DLST: variants seen among roughly 807,000 people sequenced by gnomAD.
DLST encodes dihydrolipoamide S-succinyltransferase, also known as dihydrolipoyllysine-residue succinyltransferase component of 2-oxoglutarate dehydrogenase complex, mitochondrial.
A neutral mutation model predicts 53.1 loss-of-function variants in DLST; 17 were observed. The observed-to-expected ratio is 0.32, with a 90% CI of 0.22 to 0.48. The LOEUF (loss-of-function observed/expected upper bound fraction) is 0.48. Ranked by LOEUF, DLST falls within the 20% of genes least tolerant of loss-of-function variation. DLST has a pLI of 0.99. For missense variants in DLST, 512 were observed against 583.9 expected, an observed-to-expected ratio of 0.88 and a Z score of 1.27; for synonymous variants, 206 against 204.8, an observed-to-expected ratio of 1.01 and a Z score of -0.05.
intron 6 of DLST, among the ~76,000 whole-genome samples, chr14:74,890,722 T>C (rs1240693507): frequency 1.3e-5 from 2 of 152,172 alleles, no homozygotes; most frequent in Admixed American, 6.5e-5. Flanking sequence ...ACGCTGTTGT[T>C]GTTGTTGTTT....
chr14:74,899,299 C>A (rs1884168608), intron 11 of DLST, among the ~76,000 whole-genome samples: 2 of 152,086 alleles, frequency 1.3e-5, no homozygotes, highest in South Asian at 4.1e-4. Context: ...CTCGTGGCCT[C>A]TTTTTCACAT....
At chr14:74,898,535 G>A in intron 11 of DLST, 36 bp downstream of exon 11, 1 of 1,610,012 alleles carries the variant, frequency 6.2e-7, no homozygotes, top group Non-Finnish European at 8.5e-7. Context: ...AGAGGTCCTG[G>A]GAGGTAGGTG....
intron 8 of DLST, 68 bp downstream of exon 8, chr14:74,893,054 A>G: frequency 6.6e-7 from 1 of 1,520,308 alleles, no homozygotes; most frequent in South Asian, 1.3e-5. Flanking sequence ...CAAAGGGTAA[A>G]CTCTAGACTG....
At chr14:74,885,743 T>C (rs938720829) in intron 3 of DLST, 109 bp downstream of exon 3, 2 of 1,034,510 alleles carry the variant, frequency 1.9e-6, no homozygotes, top group Non-Finnish European at 2.9e-6. Flanking sequence ...GACCTAGAAA[T>C]TGAGGTGATT....
chr14:74,887,960 C>T (rs1172119565), intron 3 of DLST, among the ~76,000 whole-genome samples: 8 of 152,146 alleles, frequency 5.3e-5, no homozygotes, highest in Non-Finnish European at 2.9e-5. Flanking sequence ...TCAGACAATC[C>T]TGAAGTGTAA....
intron 10 of DLST, 85 bp downstream of exon 10, chr14:74,894,494 C>A: frequency 7.7e-7 from 1 of 1,300,440 alleles, no homozygotes; most frequent in South Asian, 1.4e-5. Context: ...AGTGCTGATT[C>A]TAAAACTAAC....
At chr14:74,897,462 C>G (rs1255805310) in intron 10 of DLST, among the ~76,000 whole-genome samples, 1 of 152,208 alleles carries the variant, frequency 6.6e-6, no homozygotes, top group Non-Finnish European at 1.5e-5. Context: ...AAAGCCATTT[C>G]TCACTAACTC....
intron 10 of DLST, among the ~76,000 whole-genome samples, chr14:74,897,875 T>TA (rs780284724): frequency 2.5e-4 from 38 of 152,050 alleles, no homozygotes; most frequent in Non-Finnish European, 4.4e-4. Context: ...CTGTTTATTT[T>TA]AGTCTCCACT....
intron 14 of DLST, among the ~76,000 whole-genome samples, chr14:74,901,459 G>A (rs1397820432): frequency 1.3e-5 from 2 of 152,194 alleles, no homozygotes; most frequent in African/African-American, 4.8e-5. Flanking sequence ...AAGAAGAAGT[G>A]CAGATGATCC....
intron 1 of DLST, 66 bp from the exon 2 acceptor site, chr14:74,882,525 T>C: frequency 1.3e-6 from 2 of 1,556,724 alleles, no homozygotes; most frequent in South Asian, 2.2e-5. Context: ...GAGCGTGTAC[T>C]TAAAAGAAAA....
chr14:74,894,477 C>T, intron 10 of DLST, 68 bp downstream of exon 10: 3 of 1,448,752 alleles, frequency 2.1e-6, no homozygotes, highest in Non-Finnish European at 2.9e-6. Context: ...TGCCCCACTC[C>T]TTATCTAGTG....
chr14:74,895,830 G>C (rs1195596224), intron 10 of DLST, among the ~76,000 whole-genome samples: 1 of 152,098 alleles, frequency 6.6e-6, no homozygotes, highest in African/African-American at 2.4e-5. Context: ...AACCCAGGAG[G>C]AGGTTGCAGT....
intron 5 of DLST, 84 bp from the exon 6 acceptor site, chr14:74,889,813 T>C (rs984628521): frequency 1.4e-5 from 20 of 1,403,000 alleles, no homozygotes; most frequent in Non-Finnish European, 1.8e-5. Flanking sequence ...AGGGTTCTTA[T>C]AACATACCTG....
In DLST at chr14:74,881,931, C is replaced by A; in HGVS notation, c.-23C>A. 6.5e-7 allele frequency: 1 copy of A among 1,528,334 alleles called. No individual in the cohort carries two copies. The highest frequency in any genetic ancestry group is 8.7e-7 in the Non-Finnish European group (1 of 1,143,846). The allele number at this position is 1,528,334 out of a possible 1,614,324, so 94.7% of individuals were successfully genotyped here. A position where few individuals can be genotyped will look rare whatever the true frequency, so the allele number is the denominator to read the frequency against. Reference sequence around the variant, plus strand: ...GTCCGGCCCTATATCCGGTGTCCGCCCGCCCTCGGCTCCTCCGCCGTGATG... The same window carrying A: ...GTCCGGCCCTATATCCGGTGTCCGCACGCCCTCGGCTCCTCCGCCGTGATG... On this transcript the variant is annotated 5_prime_UTR_variant, in exon 1 of 15. Coordinates refer to ENST00000334220, the MANE Select transcript of DLST (RefSeq NM_001933.5).
intron 11 of DLST, among the ~76,000 whole-genome samples, chr14:74,899,462 A>C (rs1330520989): frequency 6.6e-6 from 1 of 151,926 alleles, no homozygotes; most frequent in African/African-American, 2.4e-5. Flanking sequence ...AAGCCAGATC[A>C]CCCCGCTTAC....
chr14:74,892,523 T>TC (rs1030481411), intron 7 of DLST, among the ~76,000 whole-genome samples: 2 of 141,786 alleles, frequency 1.4e-5, no homozygotes, highest in South Asian at 2.2e-4. Context: ...TTTTTTTTTT[T>TC]CCTTGGAAGT....
rs1448155995 is a variant in DLST at position 74,903,616 on chromosome 14, G to A, written c.*1286G>A. ...GTGAGGCCTGGGGGTGGGGGAGGGG[G>A]GAAGGGGTGGGAGCCAATACTGAGT... On this transcript the variant is annotated 3_prime_UTR_variant, in exon 15 of 15. Transcript: ENST00000334220. 1.4e-5 allele frequency: 2 copies of A among 138,104 alleles called. No individual in the cohort carries two copies. The highest frequency in any genetic ancestry group is 5.3e-5 in the African/African-American group (2 of 37,862). 8.6% of individuals were successfully genotyped at this position (138,104 alleles called of 1,614,324 possible). A position where few individuals can be genotyped will look rare whatever the true frequency, so the allele number is the denominator to read the frequency against.
At chr14:74,885,390 C>T (rs1192288283) in intron 2 of DLST, among the ~76,000 whole-genome samples, 196 bp from the exon 3 acceptor site, 1 of 152,198 alleles carries the variant, frequency 6.6e-6, no homozygotes, top group Non-Finnish European at 1.5e-5. Flanking sequence ...CACTCGATCT[C>T]ACATACCCAT....
At chr14:74,882,992 T>C (rs960910892) in intron 2 of DLST, among the ~76,000 whole-genome samples, 35 of 152,116 alleles carry the variant, frequency 2.3e-4, no homozygotes, top group African/African-American at 8.2e-4. Flanking sequence ...TTTGAGGAGG[T>C]GACTTAAAAG....
Sources: gnomAD v4.1 joint callset for allele counts (sites outside exome capture counted in the v4.1 genomes callset) on GRCh38, gnomAD v4.1.1 for gene constraint, MANE v1.5 for transcripts, NCBI Gene and HGNC (gene_info 2026-07-23, HGNC 2026-07-21) for gene names.